KLF8: variants seen among roughly 807,000 people sequenced by gnomAD.
KLF8 encodes the protein Krueppel-like factor 8.
In KLF8, 10 loss-of-function variants were observed where a neutral mutation model predicts 18.2. The observed-to-expected ratio is 0.55, with a 90% CI of 0.34 to 0.93. The LOEUF (loss-of-function observed/expected upper bound fraction) is 0.93, where lower values mean the gene tolerates loss of function less well. Among genes scored for constraint, KLF8 ranks in the 40% least tolerant of loss-of-function variants. The pLI is 0.02. For synonymous variants in KLF8, 109 were observed against 97.3 expected, an observed-to-expected ratio of 1.12 and a Z score of -0.71; for missense variants, 264 against 277.9, an observed-to-expected ratio of 0.95 and a Z score of 0.36.
chrX:56,090,535 C>T, the KLF8 span, among the ~76,000 whole-genome samples: 5 of 111,843 alleles, frequency 4.5e-5, no homozygotes, highest in Non-Finnish European at 9.4e-5. Context: ...AATAATATCT[C>T]ATTGTGGTTT....
chrX:55,910,883 T>C, the KLF8 span, among the ~76,000 whole-genome samples: 85 of 111,787 alleles, frequency 7.6e-4, 1 homozygote, highest in Admixed American at 3.3e-3. Context: ...TTTTATAAAA[T>C]AAATATCTGA....
At chrX:55,940,938 G>A in the KLF8 span, among the ~76,000 whole-genome samples, 1 of 111,562 alleles carries the variant, frequency 9.0e-6, no homozygotes, top group African/African-American at 3.3e-5. Flanking sequence ...TCGTGAAAAT[G>A]GCCATACTGC....
At chrX:55,979,031 A>G in the KLF8 span, among the ~76,000 whole-genome samples, 1 of 111,339 alleles carries the variant, frequency 9.0e-6, no homozygotes, top group Non-Finnish European at 1.9e-5. Context: ...GAGTAATGAT[A>G]TAATTTGGCT....
chrX:56,162,419 A>T, the KLF8 span, among the ~76,000 whole-genome samples: 1 of 111,895 alleles, frequency 8.9e-6, no homozygotes, highest in Admixed American at 9.5e-5. Context: ...GGCTCCACCC[A>T]GTTCGAGTTT....
chrX:55,925,851 C>T, the KLF8 span, among the ~76,000 whole-genome samples: 3 of 111,884 alleles, frequency 2.7e-5, no homozygotes, highest in Non-Finnish European at 5.6e-5. Context: ...AATATGTCTG[C>T]CTTTTAAAAA....
chrX:56,044,644 A>C, the KLF8 span, among the ~76,000 whole-genome samples: 1 of 112,602 alleles, frequency 8.9e-6, no homozygotes, highest in Non-Finnish European at 1.9e-5. Context: ...TACCATCTTT[A>C]TTACCCACAG....
At chrX:56,183,650 T>A in the KLF8 span, among the ~76,000 whole-genome samples, 6 of 109,759 alleles carry the variant, frequency 5.5e-5, no homozygotes, top group East Asian at 2.9e-4. Flanking sequence ...GTAAAAAAAA[T>A]TTGCAAAAAC....
intron 2 of KLF8, among the ~76,000 whole-genome samples, chrX:56,251,384 A>T (rs891316108): frequency 4.2e-4 from 47 of 112,204 alleles, no homozygotes; most frequent in Middle Eastern, 9.2e-3. Context: ...TCATCAGATA[A>T]AGTTGGTTAC....
chrX:56,191,708 C>G, the KLF8 span, among the ~76,000 whole-genome samples: 1 of 111,180 alleles, frequency 9.0e-6, no homozygotes, highest in Non-Finnish European at 1.9e-5. Context: ...ATTATTCGTT[C>G]TTGTATTGAA....
the KLF8 span, among the ~76,000 whole-genome samples, chrX:55,998,187 A>T: frequency 8.9e-6 from 1 of 112,323 alleles, no homozygotes; most frequent in Non-Finnish European, 1.9e-5. Context: ...CAGTAGATGG[A>T]ACGTACAATC....
At chrX:56,081,872 G>A in the KLF8 span, among the ~76,000 whole-genome samples, 4 of 111,812 alleles carry the variant, frequency 3.6e-5, no homozygotes, top group Admixed American at 9.5e-5. Flanking sequence ...GTATGATACT[G>A]AGGATTTTTG....
At chrX:56,158,015 G>T in the KLF8 span, among the ~76,000 whole-genome samples, 5 of 111,774 alleles carry the variant, frequency 4.5e-5, no homozygotes, top group Admixed American at 9.5e-5. Flanking sequence ...GGGTTTTTAC[G>T]GTTTTGGGTC....
chrX:56,004,834 G>A, the KLF8 span, among the ~76,000 whole-genome samples: 9 of 110,683 alleles, frequency 8.1e-5, no homozygotes, highest in Non-Finnish European at 9.4e-5. Context: ...CATGAGGTTA[G>A]GTATTGAAGA....
At chrX:55,940,401 A>G in the KLF8 span, among the ~76,000 whole-genome samples, 117 of 111,836 alleles carry the variant, frequency 1.0e-3, no homozygotes, top group African/African-American at 3.5e-3. Context: ...GCTATCTATG[A>G]CAAACCCACA....
At chrX:56,026,571 T>C in the KLF8 span, among the ~76,000 whole-genome samples, 1 of 112,013 alleles carries the variant, frequency 8.9e-6, no homozygotes. Context: ...CCCTAAACTA[T>C]TTTTGACAGT....
chrX:55,937,061 C>T, the KLF8 span, among the ~76,000 whole-genome samples: 179 of 111,514 alleles, frequency 1.6e-3, no homozygotes, highest in Middle Eastern at 4.6e-3. Flanking sequence ...GCTCAGAGAA[C>T]GGGCAGACTG....
chrX:56,106,794 C>T, the KLF8 span, among the ~76,000 whole-genome samples: 1 of 112,280 alleles, frequency 8.9e-6, no homozygotes, highest in East Asian at 2.8e-4. Flanking sequence ...AGAAAAGGTG[C>T]TCTGATTTTT....
the KLF8 span, among the ~76,000 whole-genome samples, chrX:56,023,059 T>TA: frequency 9.0e-6 from 1 of 111,504 alleles, no homozygotes; most frequent in Non-Finnish European, 1.9e-5. Flanking sequence ...ATAAGTGTGT[T>TA]AATGGGCATG....
At chrX:55,944,974 A>G in the KLF8 span, among the ~76,000 whole-genome samples, 3 of 111,091 alleles carry the variant, frequency 2.7e-5, no homozygotes, top group Admixed American at 9.6e-5. Flanking sequence ...ATTTAGTGCT[A>G]TAAATTTCCC....
Sources: gnomAD v4.1 joint callset for allele counts (sites outside exome capture counted in the v4.1 genomes callset) on GRCh38, gnomAD v4.1.1 for gene constraint, MANE v1.5 for transcripts, NCBI Gene and HGNC (gene_info 2026-07-23, HGNC 2026-07-21) for gene names.